The following ST8SIA4 variants were observed in gnomAD, a reference collection of about 807,000 sequenced individuals.
The protein encoded by ST8SIA4 is ST8 alpha-N-acetyl-neuraminide alpha-2,8-sialyltransferase 4.
In ST8SIA4, 15 loss-of-function variants were observed where a neutral mutation model predicts 33.9. That is an observed-to-expected ratio of 0.44 (90% CI 0.30 to 0.68). The LOEUF (loss-of-function observed/expected upper bound fraction) is 0.68. ST8SIA4 is among the 30% of genes least tolerant of loss of function. ST8SIA4 has a pLI of 0.10. For synonymous variants in ST8SIA4, 171 were observed against 151.2 expected (o/e 1.13, Z -0.96); for missense variants, 321 against 428.0 (o/e 0.75, Z 2.21).
At chr5:100,826,474 T>C (rs2112409679) in intron 4 of ST8SIA4, among the ~76,000 whole-genome samples, 1 of 152,040 alleles carries the variant, frequency 6.6e-6, no homozygotes, top group African/African-American at 2.4e-5. Flanking sequence ...GATAGGTACT[T>C]GGGGCCAAAA....
In ST8SIA4 at chr5:100,856,327, A is replaced by G. The variant is rs1751812599; in HGVS notation, c.573T>C (p.Asn191=). ...VGTKSDFITM[N]PSVVQRAFGG... is the part of the protein sequence containing the mutation. ...CAAATGCTCTTTGTACAACTGATGG[A>G]TTCATGGTAATAAAATCTGATTTAG... Residue 191 remains asparagine (N), a synonymous_variant, in exon 4 of 5, where the codon AAT becomes AAC. Coordinates refer to ENST00000231461, the MANE Select transcript of ST8SIA4 (RefSeq NM_005668.6). 1.2e-6 allele frequency: 2 copies of G among 1,613,990 alleles called. No individual in the cohort carries two copies. Among genetic ancestry groups the G allele is most frequent in the Admixed American group, 1.7e-5 (1 of 59,996 alleles).
At chr5:100,894,419 T>G (rs1285322655) in intron 2 of ST8SIA4, among the ~76,000 whole-genome samples, 1 of 152,122 alleles carries the variant, frequency 6.6e-6, no homozygotes, top group Non-Finnish European at 1.5e-5. Context: ...CTATTCATTC[T>G]TGTAGGAGGC....
chr5:100,898,450 T>C (rs933087649), intron 1 of ST8SIA4, among the ~76,000 whole-genome samples: 7 of 152,214 alleles, frequency 4.6e-5, no homozygotes, highest in Non-Finnish European at 8.8e-5. Context: ...TTTAAATCAG[T>C]GTTCTATGAA....
chr5:100,889,092 C>T (rs1347396395), intron 2 of ST8SIA4, among the ~76,000 whole-genome samples: 1 of 151,800 alleles, frequency 6.6e-6, no homozygotes, highest in African/African-American at 2.4e-5. Context: ...AACCCTAGGG[C>T]TTATGCATTA....
intron 3 of ST8SIA4, 91 bp downstream of exon 3, chr5:100,886,252 A>G (rs1752533861): frequency 1.3e-6 from 2 of 1,524,580 alleles, no homozygotes; most frequent in Non-Finnish European, 1.8e-6. Context: ...TTGAGGTTTT[A>G]GTAATACTTT....
At chr5:100,898,839 CAAG>C (rs1371059195) in intron 1 of ST8SIA4, among the ~76,000 whole-genome samples, 2 of 152,152 alleles carry the variant, frequency 1.3e-5, no homozygotes, top group Non-Finnish European at 2.9e-5. Context: ...GGATCATCTA[CAAG>C]AAGATTCAAT....
chr5:100,895,663 A>C lies in ST8SIA4; in HGVS notation c.236T>G (p.Leu79Arg), dbSNP rs1752763773. ...TAGTAAAGAAACTCACCTTATCTCTAGGACCAAAGAGGAATTGATTTTCCA... is the reference window on the plus strand; with the variant it reads ...TAGTAAAGAAACTCACCTTATCTCTCGGACCAAAGAGGAATTGATTTTCCA... ...EGWKINSSLV[L>R]EIRKNILRFL... Residue 79 changes from leucine (L) to arginine (R), a missense_variant, in exon 2 of 5, where the codon CTA (leucine) becomes CGA (arginine). Coordinates refer to ENST00000231461, the MANE Select transcript of ST8SIA4 (RefSeq NM_005668.6). 6.2e-7 allele frequency: 1 copy of C among 1,610,544 alleles called. No homozygotes were observed. The highest frequency in any genetic ancestry group is 2.2e-5 in the East Asian group (1 of 44,752).
intron 4 of ST8SIA4, among the ~76,000 whole-genome samples, chr5:100,852,089 T>C (rs183561584): frequency 6.6e-6 from 1 of 150,930 alleles, no homozygotes; most frequent in East Asian, 1.9e-4. Flanking sequence ...CTCTTCATGC[T>C]TACTATCTTA....
chr5:100,902,827 G>A lies in ST8SIA4; in HGVS notation c.113+16C>T. ...TTGACTTTTTGTCATATCCTGAAAT[G>A]AAGCTTTGCATTTACCCGATGAGTT... On this transcript the variant is annotated intron_variant, in intron 1 of 4. Transcript: ENST00000231461. The A allele has an allele frequency of 6.3e-7, 1 of 1,595,404 alleles. No individual in the cohort carries two copies. The highest frequency in any genetic ancestry group is 8.6e-7 in the Non-Finnish European group (1 of 1,163,012).
At chr5:100,842,430 C>CT (rs1346612134) in intron 4 of ST8SIA4, among the ~76,000 whole-genome samples, 1 of 151,660 alleles carries the variant, frequency 6.6e-6, no homozygotes, top group African/African-American at 2.4e-5. Context: ...TATCAAGTTC[C>CT]TTTTTTTAAA....
chr5:100,836,833 A>T (rs1310096209), intron 4 of ST8SIA4, among the ~76,000 whole-genome samples: 1 of 152,088 alleles, frequency 6.6e-6, no homozygotes, highest in Admixed American at 6.6e-5. Flanking sequence ...AATAAAATCC[A>T]TCAGAGAAAA....
At chr5:100,845,130 A>G (rs996041589) in intron 4 of ST8SIA4, among the ~76,000 whole-genome samples, 1 of 152,062 alleles carries the variant, frequency 6.6e-6, no homozygotes, top group Non-Finnish European at 1.5e-5. Flanking sequence ...GATCAACCAC[A>G]TGAGACACTA....
chr5:100,897,444 CT>C (rs1285898596), intron 1 of ST8SIA4, among the ~76,000 whole-genome samples: 1 of 152,112 alleles, frequency 6.6e-6, no homozygotes, highest in African/African-American at 2.4e-5. Context: ...AACCATAGCC[CT>C]TTGAATATTT....
chr5:100,886,556 A>G lies in ST8SIA4; in HGVS notation c.290T>C (p.Val97Ala), dbSNP rs749693981. Residue 97 changes from valine (V) to alanine (A), a missense_variant, in exon 3 of 5, where the codon GTG (valine) becomes GCG (alanine). Transcript: ENST00000231461. ...RFLDAERDVSVVKSSFKPGDV... is the reference protein window; with the variant it reads ...RFLDAERDVSAVKSSFKPGDV... Reference sequence around the variant, plus strand: ...ACCAGGCTTAAAACTGCTCTTGACCACTGACACATCTCGTTCTGCATCTAA... The same window carrying G: ...ACCAGGCTTAAAACTGCTCTTGACCGCTGACACATCTCGTTCTGCATCTAA... 3.7e-6 allele frequency: 6 copies of G among 1,613,874 alleles called. No individual in the cohort carries two copies. Among genetic ancestry groups the G allele is most frequent in the Non-Finnish European group, 5.1e-6 (6 of 1,179,758 alleles).
intron 3 of ST8SIA4, among the ~76,000 whole-genome samples, chr5:100,868,937 G>A (rs939828530): frequency 2.6e-5 from 4 of 152,058 alleles, no homozygotes; most frequent in African/African-American, 9.7e-5. Flanking sequence ...TATAGGGATT[G>A]ACATCTTTAA....
chr5:100,876,705 A>G (rs1433418953), intron 3 of ST8SIA4, among the ~76,000 whole-genome samples: 6 of 151,972 alleles, frequency 3.9e-5, no homozygotes, highest in African/African-American at 1.4e-4. Context: ...AGAGTTTTAG[A>G]CATTTTTGTT....
chr5:100,860,108 T>C (rs1310742001), intron 3 of ST8SIA4, among the ~76,000 whole-genome samples: 2 of 152,158 alleles, frequency 1.3e-5, no homozygotes, highest in Admixed American at 6.5e-5. Flanking sequence ...TCTGTAATAA[T>C]TGGAGGTTGT....
At chr5:100,875,065 G>A (rs375943346) in intron 3 of ST8SIA4, among the ~76,000 whole-genome samples, 13 of 152,120 alleles carry the variant, frequency 8.5e-5, no homozygotes, top group East Asian at 5.8e-4. Context: ...TGGCATTAAA[G>A]AAGTGTTATG....
At chr5:100,871,912 T>C (rs1316016566) in intron 3 of ST8SIA4, among the ~76,000 whole-genome samples, 1 of 152,072 alleles carries the variant, frequency 6.6e-6, no homozygotes, top group Non-Finnish European at 1.5e-5. Context: ...GAACCCAGAT[T>C]TTCTGATCCC....
Sources: allele counts gnomAD v4.1 joint callset (sites outside exome capture counted in the v4.1 genomes callset), GRCh38; gene constraint gnomAD v4.1.1; transcripts MANE v1.5; gene names NCBI Gene and HGNC (gene_info 2026-07-23, HGNC 2026-07-21).